LRRTM4: variants seen among roughly 807,000 people sequenced by gnomAD.
LRRTM4 encodes leucine-rich repeat transmembrane neuronal protein 4.
Under a neutral mutation model 47.6 loss-of-function variants are expected in LRRTM4, and 25 were observed. That is an observed-to-expected ratio of 0.53 (90% confidence interval 0.38 to 0.73). LRRTM4 has a LOEUF of 0.73. Ranked by LOEUF, LRRTM4 falls within the 30% of genes least tolerant of loss-of-function variation. The pLI, the probability that LRRTM4 is intolerant of heterozygous loss-of-function variation, is 0.00. For missense variants in LRRTM4, 638 were observed against 713.4 expected, an observed-to-expected ratio of 0.89 and a Z score of 1.20; for synonymous variants, 311 against 269.5, an observed-to-expected ratio of 1.15 and a Z score of -1.51.
At chr2:77,291,122 T>G (rs1236319822) in intron 3 of LRRTM4, among the ~76,000 whole-genome samples, 1 of 131,020 alleles carries the variant, frequency 7.6e-6, no homozygotes, top group South Asian at 2.4e-4. Context: ...TTCTTAATAC[T>G]AGAAAAACTG....
At chr2:77,411,618 ATT>A (rs1222177148) in intron 3 of LRRTM4, among the ~76,000 whole-genome samples, 6,155 of 65,026 alleles carry the variant, frequency 0.095, 122 homozygotes, top group Middle Eastern at 0.13. Flanking sequence ...ATGCCCGGCT[ATT>A]TTTTTTTTTT....
chr2:77,202,897 G>A lies in LRRTM4; in HGVS notation c.1551+315421C>T, dbSNP rs181962323. On this transcript the variant is annotated intron_variant, in intron 3 of 3. Coordinates refer to ENST00000409884, the MANE Select transcript of LRRTM4 (RefSeq NM_001134745.3). ...AGGAAAAGTAGAATGTATGGGAACA[G>A]GAGGATCATGTTCAAACACAGCCAG... Among the ~76,000 whole-genome samples, 46 of 152,222 alleles carry A rather than the reference G, an allele frequency of 3.0e-4. No individual in the cohort carries two copies. The East Asian group carries it at 8.7e-3, about 29-fold the overall frequency.
At chr2:76,793,961 C>T (rs969021185) in intron 3 of LRRTM4, among the ~76,000 whole-genome samples, 1 of 152,154 alleles carries the variant, frequency 6.6e-6, no homozygotes, top group Non-Finnish European at 1.5e-5. Flanking sequence ...AATACTGGTG[C>T]AACAATGTCC....
At chr2:76,859,819 G>A (rs949510789) in intron 3 of LRRTM4, among the ~76,000 whole-genome samples, 42 of 151,658 alleles carry the variant, frequency 2.8e-4, no homozygotes, top group African/African-American at 8.2e-4. Context: ...GAACTTCTTC[G>A]GTCTCAGTGG....
At chr2:77,101,563 T>A (rs1029364561) in intron 3 of LRRTM4, among the ~76,000 whole-genome samples, 1 of 152,236 alleles carries the variant, frequency 6.6e-6, no homozygotes, top group Non-Finnish European at 1.5e-5. Flanking sequence ...AATAAAATTT[T>A]AAGGAAACAT....
intron 3 of LRRTM4, among the ~76,000 whole-genome samples, chr2:76,887,517 CATAT>C (rs1226137826): frequency 7.2e-6 from 1 of 139,082 alleles, no homozygotes; most frequent in Non-Finnish European, 1.6e-5. Flanking sequence ...ATATATATAT[CATAT>C]ATGTGATTTT....
intron 3 of LRRTM4, among the ~76,000 whole-genome samples, chr2:77,092,612 A>G (rs188844953): frequency 0.032 from 4,687 of 145,828 alleles, 128 homozygotes; most frequent in Non-Finnish European, 0.048. Flanking sequence ...GCTTTACTCA[A>G]CATGCCCCGA....
At chr2:77,058,696 T>C (rs1389055221) in intron 3 of LRRTM4, among the ~76,000 whole-genome samples, 2 of 152,128 alleles carry the variant, frequency 1.3e-5, no homozygotes, top group African/African-American at 4.8e-5. Context: ...AAATTTTAAA[T>C]AGTTAAAACA....
At chr2:77,356,857 T>C (rs1671987675) in intron 3 of LRRTM4, among the ~76,000 whole-genome samples, 1 of 152,190 alleles carries the variant, frequency 6.6e-6, no homozygotes, top group South Asian at 2.1e-4. Context: ...TGCTATGTTC[T>C]AGTTACTAAA....
intron 3 of LRRTM4, among the ~76,000 whole-genome samples, chr2:77,191,564 A>T (rs1673670203): frequency 6.6e-6 from 1 of 152,016 alleles, no homozygotes; most frequent in South Asian, 2.1e-4. Context: ...TAAAATTTTA[A>T]ATTAAAACTC....
intron 3 of LRRTM4, among the ~76,000 whole-genome samples, chr2:76,802,078 C>A (rs887943417): frequency 6.6e-6 from 1 of 152,046 alleles, no homozygotes; most frequent in Non-Finnish European, 1.5e-5. Context: ...AGGATGCCCA[C>A]TATTGCCACT....
chr2:77,236,945 T>C (rs1675118116), intron 3 of LRRTM4, among the ~76,000 whole-genome samples: 1 of 152,048 alleles, frequency 6.6e-6, no homozygotes, highest in African/African-American at 2.4e-5. Context: ...TTGAGGATTT[T>C]TGTGTTTTTG....
intron 3 of LRRTM4, among the ~76,000 whole-genome samples, chr2:77,426,923 A>G (rs1022306430): frequency 1.8e-4 from 28 of 151,406 alleles, no homozygotes; most frequent in African/African-American, 6.3e-4. Context: ...TTATAAGGCT[A>G]TGGATGGCTG....
Position 76,790,788 on chromosome 2 carries a change from T to C in LRRTM4, c.1552-41872A>G, listed in dbSNP as rs1321250676. Among the ~76,000 whole-genome samples, 11 of 152,162 alleles carry C rather than the reference T, an allele frequency of 7.2e-5. No individual in the cohort carries two copies. In the South Asian group the frequency reaches 1.5e-3, roughly 20 times the overall value. On this transcript the variant is annotated intron_variant, in intron 3 of 3. Coordinates refer to ENST00000409884, the MANE Select transcript of LRRTM4 (RefSeq NM_001134745.3). Reference sequence around the variant, plus strand: ...ATCTACTCTTTGATCAAATTTGATATAATTTCACTGTTTCTGCCATAGAAA... The same window carrying C: ...ATCTACTCTTTGATCAAATTTGATACAATTTCACTGTTTCTGCCATAGAAA...
intron 3 of LRRTM4, among the ~76,000 whole-genome samples, chr2:76,786,359 C>T (rs979818051): frequency 2.6e-5 from 4 of 151,950 alleles, no homozygotes; most frequent in African/African-American, 9.7e-5. Flanking sequence ...AAAAAACCCA[C>T]AAATGATGAA....
chr2:77,133,176 T>A (rs1671848330), intron 3 of LRRTM4, among the ~76,000 whole-genome samples: 1 of 152,156 alleles, frequency 6.6e-6, no homozygotes, highest in African/African-American at 2.4e-5. Context: ...TTTATTTGTT[T>A]AGAAATAAAG....
At chr2:76,882,347 G>A (rs1296638983) in intron 3 of LRRTM4, among the ~76,000 whole-genome samples, 1 of 151,806 alleles carries the variant, frequency 6.6e-6, no homozygotes, top group Non-Finnish European at 1.5e-5. Flanking sequence ...AAAGTGATAT[G>A]GAGAAAATGA....
intron 3 of LRRTM4, among the ~76,000 whole-genome samples, chr2:77,060,324 G>T (rs1398135386): frequency 6.6e-6 from 1 of 152,026 alleles, no homozygotes; most frequent in East Asian, 1.9e-4. Flanking sequence ...TGCTAAACAT[G>T]CAATTATTTT....
At chr2:77,094,623 A>T (rs56357290) in intron 3 of LRRTM4, among the ~76,000 whole-genome samples, 59,023 of 151,942 alleles carry the variant, frequency 0.39, 13,024 homozygotes, top group East Asian at 0.68. Context: ...AAATAAACAA[A>T]CCCAAGTATT....
Sources: allele counts gnomAD v4.1 joint callset (sites outside exome capture counted in the v4.1 genomes callset), GRCh38; gene constraint gnomAD v4.1.1; transcripts MANE v1.5; gene names NCBI Gene and HGNC (gene_info 2026-07-23, HGNC 2026-07-21).